Variants in HERC4 observed in about 807,000 individuals in gnomAD.
HERC4 encodes probable E3 ubiquitin-protein ligase HERC4.
In HERC4, 28 loss-of-function variants were observed where a neutral mutation model predicts 124.3. That is an observed-to-expected ratio of 0.23 (90% confidence interval 0.17 to 0.31). The LOEUF is 0.31. HERC4 is among the 10% of genes least tolerant of loss of function. The pLI is 1.00. For missense variants in HERC4, 713 were observed against 1,229.3 expected, an observed-to-expected ratio of 0.58 and a Z score of 6.28; for synonymous variants, 407 against 421.5, an observed-to-expected ratio of 0.97 and a Z score of 0.42.
chr10:67,923,215 G>A (rs188872646), intron 24 of HERC4, 76 bp from the exon 25 acceptor site: 48 of 1,070,218 alleles, frequency 4.5e-5, no homozygotes, highest in South Asian at 3.1e-4. Flanking sequence ...TGGTACAGTC[G>A]CTACAGCAGA....
intron 8 of HERC4, among the ~76,000 whole-genome samples, chr10:68,024,293 A>G (rs576604422): frequency 1.3e-5 from 2 of 152,316 alleles, no homozygotes; most frequent in South Asian, 2.1e-4. Context: ...TAAGTACAAG[A>G]GCATCAGGAA....
In HERC4 at chr10:67,988,694, G is replaced by A. The variant is rs370780112; in HGVS notation, c.1775C>T (p.Thr592Ile). The change falls in exon 15 of 25, where the codon ACT (threonine) becomes ATT (isoleucine). Residue 592 changes from threonine to isoleucine, a missense_variant. Transcript: ENST00000373700. ...TAGTATTTCTAAAACCTTTAATGCA[G>A]TATGAAGAAAACTGTTGAAAATTCT... ...ERRIFNSFLH[T>I]ALKVLEILHR... is the part of the protein sequence containing the mutation. The A allele has an allele frequency of 5.0e-6, 8 of 1,591,342 alleles. No individual in the cohort carries two copies. The highest frequency in any genetic ancestry group is 6.0e-6 in the Non-Finnish European group (7 of 1,170,570).
chr10:67,986,052 C>T (rs779378106), intron 15 of HERC4, among the ~76,000 whole-genome samples: 2 of 152,176 alleles, frequency 1.3e-5, no homozygotes, highest in Non-Finnish European at 2.9e-5. Context: ...TTGAATGATA[C>T]AAATAAATCG....
chr10:67,952,525 G>A (rs2033866009), intron 19 of HERC4, among the ~76,000 whole-genome samples: 1 of 151,778 alleles, frequency 6.6e-6, no homozygotes, highest in Non-Finnish European at 1.5e-5. Context: ...CTCCACCTTG[G>A]CCTCCCAAAG....
chr10:67,969,198 C>T (rs1367146751), intron 15 of HERC4, among the ~76,000 whole-genome samples: 1 of 152,160 alleles, frequency 6.6e-6, no homozygotes, highest in East Asian at 1.9e-4. Context: ...TACAAGACAA[C>T]CAAGTAGCCT....
Position 67,955,080 on chromosome 10 carries a change from T to C in HERC4, c.2076A>G (p.Pro692=). 2 of 1,593,314 alleles carry C rather than the reference T, an allele frequency of 1.3e-6. No individual in the cohort carries two copies. The highest frequency in any genetic ancestry group is 4.7e-5 in the East Asian group (2 of 42,804). ...AGCAGGGATTCACAGATTCAATCAC[T>C]GGGAGAAAAAGAGAGGAGACATTCT... ...HRQNVSSLFL[P]VIESVNPCLI... Residue 692 remains proline, a synonymous_variant, in exon 18 of 25, where the codon CCA becomes CCG. Transcript: ENST00000373700.
At chr10:67,939,562 G>C in intron 21 of HERC4, 26 bp downstream of exon 21, 3 of 1,485,654 alleles carry the variant, frequency 2.0e-6, no homozygotes, top group Non-Finnish European at 2.8e-6. Flanking sequence ...TAAATAATCA[G>C]GCTAACCTAT....
At chr10:67,942,150 T>C (rs897731697) in intron 19 of HERC4, among the ~76,000 whole-genome samples, 4 of 152,184 alleles carry the variant, frequency 2.6e-5, no homozygotes, top group African/African-American at 9.7e-5. Context: ...GCATGATGGT[T>C]AAAGAATAAA....
At chr10:68,024,148 A>G (rs1227493676) in intron 8 of HERC4, among the ~76,000 whole-genome samples, 1 of 152,178 alleles carries the variant, frequency 6.6e-6, no homozygotes, top group African/African-American at 2.4e-5. Flanking sequence ...CAATTTTTAT[A>G]TCCTGAGGAA....
intron 22 of HERC4, 78 bp downstream of exon 22, chr10:67,936,075 G>A (rs889591693): frequency 1.1e-6 from 1 of 874,600 alleles, no homozygotes; most frequent in Non-Finnish European, 1.8e-6. Flanking sequence ...GCTTAGGGTT[G>A]TGACACGTTT....
At chr10:67,941,857 T>C (rs1354355862) in intron 19 of HERC4, among the ~76,000 whole-genome samples, 1 of 151,990 alleles carries the variant, frequency 6.6e-6, no homozygotes, top group Non-Finnish European at 1.5e-5. Flanking sequence ...GGTTTCACCA[T>C]ATTGGTCAGG....
intron 7 of HERC4, among the ~76,000 whole-genome samples, chr10:68,028,724 A>C (rs1419470995): frequency 6.6e-6 from 1 of 152,250 alleles, no homozygotes; most frequent in Non-Finnish European, 1.5e-5. Flanking sequence ...TTGCGATTCA[A>C]AGTAAAGATC....
At chr10:67,986,452 A>G (rs2036264620) in intron 15 of HERC4, among the ~76,000 whole-genome samples, 1 of 152,162 alleles carries the variant, frequency 6.6e-6, no homozygotes, top group South Asian at 2.1e-4. Context: ...TCCTGGGTTC[A>G]AGCGATTCTC....
chr10:67,949,823 G>A (rs916433015), intron 19 of HERC4, among the ~76,000 whole-genome samples: 1 of 152,118 alleles, frequency 6.6e-6, no homozygotes, highest in Non-Finnish European at 1.5e-5. Flanking sequence ...TTTGAGACCA[G>A]CCTGGCCAAC....
At chr10:68,015,891 T>C (rs1044773324) in intron 8 of HERC4, among the ~76,000 whole-genome samples, 2 of 152,028 alleles carry the variant, frequency 1.3e-5, no homozygotes, top group Non-Finnish European at 1.5e-5. Flanking sequence ...TCACTTGAGG[T>C]CAGGAGTTCG....
chr10:68,062,268 A>G (rs1564613542), intron 3 of HERC4, among the ~76,000 whole-genome samples: 1 of 152,180 alleles, frequency 6.6e-6, no homozygotes, highest in African/African-American at 2.4e-5. Context: ...TTAAAAGAGA[A>G]TATTTCTCTT....
intron 16 of HERC4, among the ~76,000 whole-genome samples, chr10:67,962,670 CAA>C (rs964393600): frequency 3.9e-5 from 6 of 151,944 alleles, no homozygotes; most frequent in Non-Finnish European, 5.9e-5. Context: ...GAAAAAATAG[CAA>C]AGAGTTTGGT....
At chr10:68,066,222 A>G (rs12413531) in intron 3 of HERC4, among the ~76,000 whole-genome samples, 14,962 of 152,290 alleles carry the variant, frequency 0.098, 820 homozygotes, top group South Asian at 0.15. Flanking sequence ...TTTTAAAAAT[A>G]CATGCCTTTG....
chr10:67,991,115 A>G, intron 12 of HERC4, 25 bp downstream of exon 12: 1 of 1,480,022 alleles, frequency 6.8e-7, no homozygotes, highest in Non-Finnish European at 9.0e-7. Context: ...TGAAAATTTC[A>G]GCATATTAAA....
Sources: allele counts gnomAD v4.1 joint callset (sites outside exome capture counted in the v4.1 genomes callset), GRCh38; gene constraint gnomAD v4.1.1; transcripts MANE v1.5; gene names NCBI Gene and HGNC (gene_info 2026-07-23, HGNC 2026-07-21).